PTPRM: variants seen among roughly 807,000 people sequenced by gnomAD.
PTPRM encodes the protein protein tyrosine phosphatase receptor type M.
In PTPRM, 47 loss-of-function variants were observed where a neutral mutation model predicts 186.7. That is an observed-to-expected ratio of 0.25 (90% CI 0.20 to 0.32). The LOEUF (loss-of-function observed/expected upper bound fraction) is 0.32. Among genes scored for constraint, PTPRM ranks in the 10% least tolerant of loss-of-function variants. PTPRM has a pLI of 1.00. For synonymous variants in PTPRM, 668 were observed against 674.9 expected (o/e 0.99, Z 0.16); for missense variants, 1,494 against 1,865.0 (o/e 0.80, Z 3.66).
intron 13 of PTPRM, among the ~76,000 whole-genome samples, chr18:8,132,502 C>T (rs576293255): frequency 1.3e-5 from 2 of 152,146 alleles, no homozygotes; most frequent in African/African-American, 4.8e-5. Context: ...AATAAAATTA[C>T]TTTTAATAGT....
chr18:7,608,133 G>A (rs971002016), intron 1 of PTPRM, among the ~76,000 whole-genome samples: 2 of 152,182 alleles, frequency 1.3e-5, no homozygotes, highest in Admixed American at 6.5e-5. Context: ...TCAAAGGAAC[G>A]AACAACTCCT....
chr18:7,756,349 A>G (rs2041490902), intron 1 of PTPRM, among the ~76,000 whole-genome samples: 1 of 152,194 alleles, frequency 6.6e-6, no homozygotes, highest in African/African-American at 2.4e-5. Context: ...CTTAATTAAC[A>G]TGCTTTAGTT....
At chr18:8,168,447 T>C (rs1303307497) in intron 14 of PTPRM, among the ~76,000 whole-genome samples, 1 of 152,202 alleles carries the variant, frequency 6.6e-6, no homozygotes, top group Non-Finnish European at 1.5e-5. Context: ...AATAAGTGTA[T>C]AGACTACATT....
At chr18:7,786,390 G>C (rs529282187) in intron 2 of PTPRM, among the ~76,000 whole-genome samples, 1 of 152,034 alleles carries the variant, frequency 6.6e-6, no homozygotes. Flanking sequence ...GTCCTTATTT[G>C]TATGCTTTGA....
At chr18:8,121,160 T>TA (rs2092157377) in intron 13 of PTPRM, among the ~76,000 whole-genome samples, 2 of 152,204 alleles carry the variant, frequency 1.3e-5, no homozygotes, top group African/African-American at 4.8e-5. Flanking sequence ...GAAAGACTGT[T>TA]ACACCATTTT....
chr18:8,337,409 T>C (rs559383189), intron 22 of PTPRM, among the ~76,000 whole-genome samples: 24 of 152,332 alleles, frequency 1.6e-4, no homozygotes, highest in African/African-American at 5.8e-4. Flanking sequence ...TTCAAGCTTC[T>C]GGATGGTGGA....
intron 29 of PTPRM, among the ~76,000 whole-genome samples, chr18:8,381,360 TAAAA>T (rs60672111): frequency 5.1e-5 from 7 of 138,016 alleles, no homozygotes; most frequent in African/African-American, 8.0e-5. Context: ...TTCTTTTTCT[TAAAA>T]AAAAAAAAAA....
At chr18:8,367,529 G>T (rs2095638778) in intron 23 of PTPRM, among the ~76,000 whole-genome samples, 1 of 152,252 alleles carries the variant, frequency 6.6e-6, no homozygotes, top group Non-Finnish European at 1.5e-5. Flanking sequence ...GCGGAAGCGC[G>T]GCCAAAGTTG....
intron 1 of PTPRM, among the ~76,000 whole-genome samples, chr18:7,581,249 T>C (rs1333661248): frequency 6.6e-6 from 1 of 152,174 alleles, no homozygotes; most frequent in African/African-American, 2.4e-5. Flanking sequence ...ATCTTTTCTC[T>C]CTATGTGATG....
intron 4 of PTPRM, among the ~76,000 whole-genome samples, chr18:7,915,921 C>T (rs899948086): frequency 6.6e-6 from 1 of 152,156 alleles, no homozygotes; most frequent in African/African-American, 2.4e-5. Context: ...AAAATTTACA[C>T]CATTAGCAGA....
intron 31 of PTPRM, among the ~76,000 whole-genome samples, chr18:8,389,385 A>G (rs914131369): frequency 6.6e-6 from 1 of 152,220 alleles, no homozygotes; most frequent in African/African-American, 2.4e-5. Flanking sequence ...TGTCAACAAC[A>G]CACTTCCCAG....
chr18:7,659,153 C>T (rs1000200400), intron 1 of PTPRM, among the ~76,000 whole-genome samples: 113 of 149,698 alleles, frequency 7.5e-4, no homozygotes, highest in African/African-American at 2.6e-3. Context: ...CACACACACA[C>T]ACAATCTCCC....
intron 14 of PTPRM, among the ~76,000 whole-genome samples, chr18:8,151,511 G>A (rs1386323022): frequency 1.5e-5 from 2 of 133,094 alleles, no homozygotes; most frequent in Admixed American, 1.6e-4. Flanking sequence ...GGCATCTCAG[G>A]TCAATCTCAG....
intron 7 of PTPRM, among the ~76,000 whole-genome samples, chr18:7,985,208 A>C (rs2082857962): frequency 8.2e-6 from 1 of 122,126 alleles, no homozygotes; most frequent in Non-Finnish European, 1.6e-5. Flanking sequence ...TATACATATA[A>C]TTGTATATAC....
chr18:7,995,570 A>G (rs916115008), intron 7 of PTPRM: 1 of 152,222 alleles, frequency 6.6e-6, no homozygotes, highest in Non-Finnish European at 1.5e-5. Context: ...AAAAGTTACA[A>G]AGACTATACT....
intron 2 of PTPRM, among the ~76,000 whole-genome samples, chr18:7,884,104 G>A (rs1353987894): frequency 6.6e-6 from 1 of 152,136 alleles, no homozygotes; most frequent in African/African-American, 2.4e-5. Flanking sequence ...CCGTGACTCT[G>A]CCACTGCACT....
intron 20 of PTPRM, among the ~76,000 whole-genome samples, chr18:8,305,978 G>C (rs920693051): frequency 2.0e-5 from 3 of 151,830 alleles, no homozygotes; most frequent in African/African-American, 4.8e-5. Flanking sequence ...GCTCACTGCG[G>C]CCTCTGCCTC....
chr18:8,013,296 G>T (rs150991119), intron 7 of PTPRM, among the ~76,000 whole-genome samples: 1 of 152,266 alleles, frequency 6.6e-6, no homozygotes, highest in African/African-American at 2.4e-5. Context: ...GGGAACCACA[G>T]TTGAAAATTC....
intron 1 of PTPRM, among the ~76,000 whole-genome samples, chr18:7,618,441 C>A (rs1396757162): frequency 6.6e-6 from 1 of 152,026 alleles, no homozygotes; most frequent in Non-Finnish European, 1.5e-5. Context: ...TTTGAAACTT[C>A]TATTTAGTAT....
Sources: allele counts gnomAD v4.1 joint callset (sites outside exome capture counted in the v4.1 genomes callset), GRCh38; gene constraint gnomAD v4.1.1; transcripts MANE v1.5; gene names NCBI Gene and HGNC (gene_info 2026-07-23, HGNC 2026-07-21).